KAT6A: variants seen among roughly 807,000 people sequenced by gnomAD.
The protein encoded by KAT6A is histone acetyltransferase KAT6A.
Under a neutral mutation model 198.4 loss-of-function variants are expected in KAT6A, and 9 were observed. The ratio of observed to expected loss-of-function variants is 0.05; its 90% CI spans 0.03 to 0.08. KAT6A has a LOEUF of 0.08. KAT6A is among the 10% of genes least tolerant of loss of function. The pLI is 1.00. For synonymous variants in KAT6A, 890 were observed against 883.0 expected, an observed-to-expected ratio of 1.01 and a Z score of -0.14; for missense variants, 2,077 against 2,509.9, an observed-to-expected ratio of 0.83 and a Z score of 3.69.
intron 2 of KAT6A, among the ~76,000 whole-genome samples, chr8:42,003,869 G>A (rs779516300): frequency 1.3e-5 from 2 of 152,210 alleles, no homozygotes; most frequent in African/African-American, 2.4e-5. Context: ...TGTGGACACA[G>A]CAAAAAGGTG....
At chr8:41,999,930 A>AG (rs1825405067) in intron 2 of KAT6A, among the ~76,000 whole-genome samples, 1 of 152,240 alleles carries the variant, frequency 6.6e-6, no homozygotes, top group Non-Finnish European at 1.5e-5. Context: ...AGAAACACCT[A>AG]GTAAGTGCTA....
intron 2 of KAT6A, among the ~76,000 whole-genome samples, chr8:42,024,439 T>C (rs999125086): frequency 6.6e-6 from 1 of 152,264 alleles, no homozygotes; most frequent in Non-Finnish European, 1.5e-5. Context: ...CATTTATCAT[T>C]TGTGTTGGTT....
At position 42,048,831 on chromosome 8, in the gene KAT6A, T is replaced by C. The variant is rs747324153; in HGVS notation, c.147A>G (p.Glu49=). Reference sequence around the variant, plus strand: ...CATCTTTAACACTCAACTCCAATTGTTCTAAAACAGTTTTACGATCCAAGC... The same window carrying C: ...CATCTTTAACACTCAACTCCAATTGCTCTAAAACAGTTTTACGATCCAAGC... ...SHGLDRKTVL[E]QLELSVKDGT... Residue 49 remains glutamate, a synonymous_variant, in exon 2 of 17, where the codon GAA becomes GAG. Transcript: ENST00000265713. 46 of 1,614,106 alleles carry C rather than the reference T, an allele frequency of 2.8e-5. No homozygotes were observed. The highest frequency in any genetic ancestry group is 3.3e-4 in the Middle Eastern group (2 of 6,084).
Position 41,942,826 on chromosome 8 carries a change from C to T in KAT6A, c.2403G>A (p.Glu801=). Residue 801 remains glutamate, a synonymous_variant, in exon 14 of 17, where the codon GAG becomes GAA. Transcript: ENST00000265713. ...EEEAEEGENE[E]PQCQERELEI... ...CTAATTCTCTTTCCTGGCACTGTGG[C>T]TCTTCGTTTTCTCCTTCCTCAGCCT... 1 of 1,614,096 alleles carries T rather than the reference C, an allele frequency of 6.2e-7. No individual in the cohort carries two copies. The highest frequency in any genetic ancestry group is 1.6e-4 in the Middle Eastern group (1 of 6,062).
At chr8:41,981,980 A>G in intron 3 of KAT6A, 26 bp from the exon 4 acceptor site, 3 of 1,336,090 alleles carry the variant, frequency 2.2e-6, no homozygotes, top group East Asian at 2.3e-5. Flanking sequence ...ACATTCATGA[A>G]TGAAACAATC....
chr8:41,982,614 G>A (rs551140935), intron 3 of KAT6A, among the ~76,000 whole-genome samples: 18 of 152,138 alleles, frequency 1.2e-4, no homozygotes, highest in Non-Finnish European at 1.9e-4. Flanking sequence ...GCTGGGCTGC[G>A]ATCACCCACA....
chr8:41,938,731 A>C (rs1369925047), intron 15 of KAT6A, among the ~76,000 whole-genome samples: 5 of 152,140 alleles, frequency 3.3e-5, no homozygotes, highest in African/African-American at 1.2e-4. Context: ...GGACCGCCCA[A>C]GCTCAGGAGT....
chr8:41,977,385 T>C (rs1824115232), intron 6 of KAT6A, 58 bp from the exon 7 acceptor site: 5 of 1,187,102 alleles, frequency 4.2e-6, no homozygotes, highest in Non-Finnish European at 6.0e-6. Context: ...TAAGGTTCCT[T>C]TTTAATACAT....
intron 2 of KAT6A, among the ~76,000 whole-genome samples, chr8:42,045,240 A>C (rs558515956): frequency 6.6e-6 from 1 of 152,280 alleles, no homozygotes; most frequent in Non-Finnish European, 1.5e-5. Flanking sequence ...AACAAACTCT[A>C]TTTTCCAACA....
chr8:42,031,991 C>T (rs1161631149), intron 2 of KAT6A, among the ~76,000 whole-genome samples: 1 of 150,760 alleles, frequency 6.6e-6, no homozygotes, highest in African/African-American at 2.4e-5. Flanking sequence ...ATGCAGTGGC[C>T]CGATCTCAGC....
chr8:41,959,159 G>GA lies in KAT6A; in HGVS notation c.1483-3749dup, dbSNP rs57009251. 7.5e-3 allele frequency among the ~76,000 whole-genome samples: 624 copies of GA among 82,758 alleles called. 8 individuals are homozygous for GA. Among genetic ancestry groups the GA allele is most frequent in the African/African-American group, 0.023 (463 of 19,982 alleles). 54.3% of individuals were successfully genotyped at this position (82,758 alleles called of 152,430 possible). ...CTGGGTGACAGAGCCAGACTGTCTC[G>GA]AAAAAAAAAAAAAAAAAAAAAGTTG... On this transcript the variant is annotated intron_variant, in intron 8 of 16. Transcript: ENST00000265713.
At chr8:42,033,111 G>A (rs1453048334) in intron 2 of KAT6A, among the ~76,000 whole-genome samples, 1 of 151,942 alleles carries the variant, frequency 6.6e-6, no homozygotes, top group Non-Finnish European at 1.5e-5. Flanking sequence ...CTGACCTCAT[G>A]ATCTGCCTGT....
chr8:41,969,598 C>T (rs779818338), intron 8 of KAT6A, among the ~76,000 whole-genome samples: 12 of 152,240 alleles, frequency 7.9e-5, no homozygotes, highest in Non-Finnish European at 2.9e-5. Flanking sequence ...GGTTTCCCAG[C>T]TTCCACTCTT....
At position 41,932,170 on chromosome 8, in the gene KAT6A, A is replaced by G; in HGVS notation, c.*35T>C. On this transcript the variant is annotated 3_prime_UTR_variant, in exon 17 of 17. Transcript: ENST00000265713. The stretch of plus-strand genomic sequence containing the variant: ...CAGTATAAAAGGTTCCTTTATTTAT[A>G]TATATTTAAGTTTTTGATTGCAAGT... The G allele has an allele frequency of 6.8e-7, 1 of 1,474,358 alleles. No individual in the cohort carries two copies. The highest frequency in any genetic ancestry group is 9.0e-7 in the Non-Finnish European group (1 of 1,110,832). 91.3% of individuals were successfully genotyped at this position (1,474,358 alleles called of 1,614,324 possible). A position where few individuals can be genotyped will look rare whatever the true frequency, so the allele number is the denominator to read the frequency against.
At chr8:41,935,559 T>A (rs919248432) in intron 16 of KAT6A, among the ~76,000 whole-genome samples, 2 of 152,208 alleles carry the variant, frequency 1.3e-5, no homozygotes, top group Non-Finnish European at 2.9e-5. Context: ...ATTAGCATTT[T>A]AAAAAAACTA....
chr8:42,046,147 A>C (rs1007249366), intron 2 of KAT6A, among the ~76,000 whole-genome samples: 1 of 152,176 alleles, frequency 6.6e-6, no homozygotes, highest in Admixed American at 6.5e-5. Context: ...TACTATATTT[A>C]CTACCTTTTA....
intron 16 of KAT6A, 91 bp from the exon 17 acceptor site, chr8:41,934,958 A>C: frequency 9.7e-7 from 1 of 1,030,884 alleles, no homozygotes. Context: ...AATAGAAATG[A>C]CTTTATTAAT....
intron 8 of KAT6A, among the ~76,000 whole-genome samples, chr8:41,971,086 G>T (rs994306671): frequency 6.6e-6 from 1 of 152,022 alleles, no homozygotes; most frequent in African/African-American, 2.4e-5. Context: ...GGTGGGAGGA[G>T]GGGGGAGGGA....
chr8:41,934,171 G>C lies in KAT6A; in HGVS notation c.4049C>G (p.Ser1350Cys). 1 of 1,614,062 alleles carries C rather than the reference G, an allele frequency of 6.2e-7. No individual in the cohort carries two copies. The change falls in exon 17 of 17, where the codon TCT (serine) becomes TGT (cysteine). Residue 1350 changes from serine to cysteine, a missense_variant. Physicochemically the swap from Ser to Cys is moderately radical, Grantham distance 112. Coordinates refer to ENST00000265713, the MANE Select transcript of KAT6A (RefSeq NM_006766.5). ...CTTCTGCATATTAGCATCTAAAAAA[G>C]ACTCTTGAACACCAGGCTCCTCCTT... is the stretch of plus-strand genomic sequence containing the variant. ...DVKEEPGVQE[S>C]FLDANMQKSR...
Sources: gnomAD v4.1 joint callset for allele counts (sites outside exome capture counted in the v4.1 genomes callset) on GRCh38, gnomAD v4.1.1 for gene constraint, MANE v1.5 for transcripts, NCBI Gene and HGNC (gene_info 2026-07-23, HGNC 2026-07-21) for gene names.